Variants in DLG2 observed in about 807,000 individuals in gnomAD.
DLG2 encodes discs large MAGUK scaffold protein 2.
Under a neutral mutation model 132.5 loss-of-function variants are expected in DLG2, and 45 were observed. The ratio of observed to expected loss-of-function variants is 0.34; its 90% CI spans 0.27 to 0.44. The LOEUF (loss-of-function observed/expected upper bound fraction) is 0.44, where lower values mean the gene tolerates loss of function less well. Ranked by LOEUF, DLG2 falls within the 20% of genes least tolerant of loss-of-function variation. The pLI is 1.00. For missense variants in DLG2, 1,045 were observed against 1,196.9 expected, an observed-to-expected ratio of 0.87 and a Z score of 1.87; for synonymous variants, 424 against 419.6, an observed-to-expected ratio of 1.01 and a Z score of -0.13.
intron 6 of DLG2, among the ~76,000 whole-genome samples, chr11:84,982,095 C>G (rs534889338): frequency 6.6e-6 from 1 of 152,280 alleles, no homozygotes; most frequent in African/African-American, 2.4e-5. Flanking sequence ...CTGCTAAAGT[C>G]TCTCTACTTT....
chr11:84,399,817 G>A (rs1344691575), intron 7 of DLG2, among the ~76,000 whole-genome samples: 1 of 152,182 alleles, frequency 6.6e-6, no homozygotes, highest in Non-Finnish European at 1.5e-5. Flanking sequence ...AATCCAAGGG[G>A]CTTGCCTATG....
At chr11:84,959,125 C>T (rs78109359) in intron 6 of DLG2, among the ~76,000 whole-genome samples, 2,113 of 152,152 alleles carry the variant, frequency 0.014, 49 homozygotes, top group African/African-American at 0.047. Flanking sequence ...TGCTCAGGAA[C>T]TTCTGCTTCA....
intron 17 of DLG2, among the ~76,000 whole-genome samples, chr11:83,801,210 C>A (rs1285726486): frequency 2.0e-5 from 3 of 152,046 alleles, no homozygotes; most frequent in African/African-American, 7.2e-5. Flanking sequence ...TTCTCTAACT[C>A]CACCCCATCC....
At chr11:84,120,547 CT>C (rs1462044319) in intron 9 of DLG2, among the ~76,000 whole-genome samples, 1 of 152,168 alleles carries the variant, frequency 6.6e-6, no homozygotes, top group Non-Finnish European at 1.5e-5. Flanking sequence ...AAATAGTGGT[CT>C]AGACAGACTC....
intron 16 of DLG2, among the ~76,000 whole-genome samples, chr11:83,841,809 G>A (rs893648317): frequency 6.6e-6 from 1 of 152,164 alleles, no homozygotes; most frequent in African/African-American, 2.4e-5. Context: ...ACTTCCAATA[G>A]ACAAGCATCT....
At chr11:84,361,115 G>A (rs958373246) in intron 7 of DLG2, among the ~76,000 whole-genome samples, 7 of 151,846 alleles carry the variant, frequency 4.6e-5, no homozygotes, top group South Asian at 2.1e-4. Context: ...CAGAGTGCCA[G>A]TGATATGCTG....
intron 9 of DLG2, among the ~76,000 whole-genome samples, chr11:84,117,349 C>G (rs892386694): frequency 3.9e-5 from 6 of 152,044 alleles, no homozygotes; most frequent in Non-Finnish European, 7.4e-5. Context: ...CATATGTGCT[C>G]CCTCATTATA....
At chr11:85,572,741 T>C (rs1429638397) in intron 3 of DLG2, among the ~76,000 whole-genome samples, 2 of 152,202 alleles carry the variant, frequency 1.3e-5, no homozygotes, top group Admixed American at 6.5e-5. Context: ...AATTCACACA[T>C]GCACGCAACT....
intron 18 of DLG2, among the ~76,000 whole-genome samples, chr11:83,715,683 G>A (rs758829827): frequency 2.6e-5 from 4 of 152,156 alleles, no homozygotes; most frequent in Admixed American, 6.5e-5. Flanking sequence ...TGGGCATAAC[G>A]ATTGTTCCGT....
At chr11:83,665,501 T>C (rs1461459853) in intron 18 of DLG2, among the ~76,000 whole-genome samples, 3 of 152,232 alleles carry the variant, frequency 2.0e-5, no homozygotes, top group Non-Finnish European at 4.4e-5. Context: ...TATTAGATTA[T>C]CTCTTATGTA....
chr11:85,371,959 T>G (rs2085015827), intron 3 of DLG2, among the ~76,000 whole-genome samples: 1 of 152,226 alleles, frequency 6.6e-6, no homozygotes, highest in African/African-American at 2.4e-5. Flanking sequence ...ACATAATTTG[T>G]TTTTTAACAA....
chr11:84,449,622 G>A (rs926287056), intron 7 of DLG2, among the ~76,000 whole-genome samples: 4 of 151,734 alleles, frequency 2.6e-5, no homozygotes, highest in Non-Finnish European at 5.9e-5. Context: ...GTCCACTAAA[G>A]TACTTAACAT....
chr11:83,937,443 G>A (rs2081711192), intron 14 of DLG2, among the ~76,000 whole-genome samples: 2 of 144,698 alleles, frequency 1.4e-5, no homozygotes, highest in Admixed American at 1.4e-4. Context: ...GGAAGGCGGA[G>A]TTTGCAGTGA....
At chr11:84,709,941 A>C (rs2060194431) in intron 6 of DLG2, among the ~76,000 whole-genome samples, 1 of 151,924 alleles carries the variant, frequency 6.6e-6, no homozygotes, top group Admixed American at 6.6e-5. Context: ...CTATACCTAA[A>C]GACATCATTG....
At chr11:85,086,097 T>C (rs1282914679) in intron 6 of DLG2, among the ~76,000 whole-genome samples, 1 of 152,172 alleles carries the variant, frequency 6.6e-6, no homozygotes, top group Non-Finnish European at 1.5e-5. Flanking sequence ...ATTTTTTAAA[T>C]CACTCATATT....
chr11:83,557,645 T>A (rs1270185620), intron 19 of DLG2, among the ~76,000 whole-genome samples: 3 of 152,230 alleles, frequency 2.0e-5, no homozygotes. Flanking sequence ...TGTAGGTGTT[T>A]CATCTTTGAG....
chr11:84,804,360 G>T (rs1306615123), intron 6 of DLG2, among the ~76,000 whole-genome samples: 1 of 152,126 alleles, frequency 6.6e-6, no homozygotes, highest in East Asian at 1.9e-4. Flanking sequence ...AAACAAATCA[G>T]AAAAGGCAAA....
rs1048597240 is a variant in DLG2 at position 83,579,647 on chromosome 11, AT to A, written c.1941-37790del. Reference sequence around the variant, plus strand: ...AAGAAACAATAAAATGCTTAAAAAAATGAATTTGAAAAAAAATAAATAAAAT... The same window carrying A: ...AAGAAACAATAAAATGCTTAAAAAAAGAATTTGAAAAAAAATAAATAAAAT... On this transcript the variant is annotated intron_variant, in intron 19 of 27. Transcript: ENST00000376104. Among the ~76,000 whole-genome samples, 34 of 152,304 alleles carry A rather than the reference AT, an allele frequency of 2.2e-4. 1 individual carries two copies. The highest frequency in any genetic ancestry group is 7.9e-4 in the African/African-American group (33 of 41,570).
Position 84,224,551 on chromosome 11 carries a change from C to G in DLG2, c.573+26687G>C, listed in dbSNP as rs146597539. The stretch of plus-strand genomic sequence containing the variant: ...TACACTTTGTACTATGTGCCAGGCA[C>G]TTTTCTCAATATTTTATACATATTA... On this transcript the variant is annotated intron_variant, in intron 8 of 27. Transcript: ENST00000376104. Among the ~76,000 whole-genome samples the G allele has an allele frequency of 6.0e-4, 91 of 152,254 alleles. 1 individual carries two copies. Among genetic ancestry groups the G allele is most frequent in the African/African-American group, 1.9e-3 (81 of 41,540 alleles).
Sources: gnomAD v4.1 joint callset for allele counts (sites outside exome capture counted in the v4.1 genomes callset) on GRCh38, gnomAD v4.1.1 for gene constraint, MANE v1.5 for transcripts, NCBI Gene and HGNC (gene_info 2026-07-23, HGNC 2026-07-21) for gene names.